GDF1: variants seen among roughly 807,000 people sequenced by gnomAD.
GDF1 encodes growth differentiation factor 1.
A neutral mutation model predicts 7.4 loss-of-function variants in GDF1; 8 were observed. That is an observed-to-expected ratio of 1.09 (90% CI 0.64 to 1.96). The LOEUF (loss-of-function observed/expected upper bound fraction) is 1.96. Among genes scored for constraint, GDF1 ranks in the 30% most tolerant of loss-of-function variants. The pLI, the probability that GDF1 is intolerant of heterozygous loss-of-function variation, is 0.00. For missense variants in GDF1, 574 were observed against 551.5 expected, an observed-to-expected ratio of 1.04 and a Z score of -0.41; for synonymous variants, 311 against 276.7, an observed-to-expected ratio of 1.12 and a Z score of -1.23.
In GDF1 at chr19:18,883,539, AAAAG is replaced by A. The variant is rs371444829; in HGVS notation, c.-733+544_-733+547del. On this transcript the variant is annotated intron_variant, in intron 3 of 7. Transcript: ENST00000247005. Reference sequence around the variant, plus strand: ...CAGAGTGAGACCTTGTCTCAAAAAAAAAAGAGAGAGAGAAATAAAAGGGTGGATA... The same window carrying A: ...CAGAGTGAGACCTTGTCTCAAAAAAAAGAGAGAGAAATAAAAGGGTGGATA... Among the ~76,000 whole-genome samples, 1,286 of 152,242 alleles carry A rather than the reference AAAAG, an allele frequency of 8.4e-3. 11 individuals are homozygous for A. Among genetic ancestry groups the A allele is most frequent in the South Asian group, 0.013 (64 of 4,822 alleles).
At position 18,881,878 on chromosome 19, in the gene GDF1, C is replaced by T. The variant is rs1261619912; in HGVS notation, c.-732-1443G>A. The T allele has an allele frequency of 1.3e-5, 2 of 152,240 alleles. 1 individual carries two copies. The highest frequency in any genetic ancestry group is 4.1e-4 in the South Asian group (2 of 4,822). 9.4% of individuals were successfully genotyped at this position (152,240 alleles called of 1,614,324 possible). A position where few individuals can be genotyped will look rare whatever the true frequency, so the allele number is the denominator to read the frequency against. ...CTCTGTTGCCCAGGCTGGAATGCCT[C>T]GGCTCACAGCCACCTCTGCCTCCCG... On this transcript the variant is annotated intron_variant, in intron 3 of 7. Coordinates refer to ENST00000247005, the MANE Select transcript of GDF1 (RefSeq NM_001492.6).
chr19:18,871,902 C>G (rs938158248), intron 6 of GDF1, among the ~76,000 whole-genome samples: 2 of 152,214 alleles, frequency 1.3e-5, no homozygotes, highest in African/African-American at 2.4e-5. Flanking sequence ...GACACACTGT[C>G]CCCTTTTGGC....
intron 6 of GDF1, among the ~76,000 whole-genome samples, chr19:18,874,560 G>A (rs2145998298): frequency 6.6e-6 from 1 of 152,370 alleles, no homozygotes; most frequent in Non-Finnish European, 1.5e-5. Context: ...ACCAGATCCA[G>A]AGAGAGGTGA....
chr19:18,870,809 C>T lies in GDF1; in HGVS notation c.-312-190G>A, dbSNP rs982630980. 3.3e-5 allele frequency among the ~76,000 whole-genome samples: 5 copies of T among 152,132 alleles called. No individual in the cohort carries two copies. Among genetic ancestry groups the T allele is most frequent in the Non-Finnish European group, 7.4e-5 (5 of 68,002 alleles). ...GCCTTCACCCTGCCCCTCCTTCAAC[C>T]TGCCCCGTAGGCACGTATGTCCCCC... On this transcript the variant is annotated intron_variant, in intron 6 of 7. Transcript: ENST00000247005. This position sits in a 1 kb window ranked among gnomAD's most constrained non-coding sequence, Gnocchi z 5.1.
At chr19:18,875,134 G>C (rs747540115) in intron 6 of GDF1, among the ~76,000 whole-genome samples, 4 of 152,020 alleles carry the variant, frequency 2.6e-5, no homozygotes, top group Non-Finnish European at 4.4e-5. Flanking sequence ...TACTTGGGAG[G>C]CTGAGGCGGC....
chr19:18,892,850 G>A (rs2146071252), intron 2 of GDF1, among the ~76,000 whole-genome samples: 1 of 152,186 alleles, frequency 6.6e-6, no homozygotes, highest in South Asian at 2.1e-4. Context: ...TTTGTCTTGG[G>A]GCTGGCTTAA....
At chr19:18,877,825 G>A (rs1568296520) in intron 6 of GDF1, 1 of 206,730 alleles carries the variant, frequency 4.8e-6, no homozygotes, top group Non-Finnish European at 8.4e-6. Context: ...CCCTCAAAAG[G>A]AGGCTCCTAA....
intron 4 of GDF1, 134 bp from the exon 5 acceptor site, chr19:18,879,522 A>T: frequency 9.1e-7 from 1 of 1,095,424 alleles, no homozygotes; most frequent in African/African-American, 1.6e-5. Context: ...TGTTTCTACT[A>T]CTGCTCTGTC....
intron 2 of GDF1, among the ~76,000 whole-genome samples, chr19:18,884,995 C>T (rs755001389): frequency 6.6e-6 from 1 of 151,530 alleles, no homozygotes; most frequent in African/African-American, 2.4e-5. Context: ...GGATTACAGG[C>T]GTGAGCCACC....
chr19:18,885,513 T>TTTTTG (rs1318718639), intron 2 of GDF1, among the ~76,000 whole-genome samples: 4 of 26,022 alleles, frequency 1.5e-4, no homozygotes, highest in South Asian at 1.5e-3. Context: ...CCCTTCTCGT[T>TTTTTG]TTTTTTTTTT....
chr19:18,885,702 G>A (rs1467849811), intron 2 of GDF1, among the ~76,000 whole-genome samples: 1 of 148,016 alleles, frequency 6.8e-6, no homozygotes, highest in East Asian at 2.0e-4. Context: ...TTTTTTTTCA[G>A]TAGAGACAGG....
At chr19:18,884,009 T>G in intron 3 of GDF1, 78 bp downstream of exon 3, 1 of 1,471,974 alleles carries the variant, frequency 6.8e-7, no homozygotes, top group Non-Finnish European at 9.2e-7. Flanking sequence ...CGGCCTCCTC[T>G]GTGCCCCGCC....
At chr19:18,869,438 G>A in intron 7 of GDF1, 48 bp from the exon 8 acceptor site, 6 of 1,516,752 alleles carry the variant, frequency 4.0e-6, no homozygotes, top group Non-Finnish European at 5.3e-6. Context: ...TCCCCGGCCT[G>A]CCCATGGGGT....
In GDF1 at chr19:18,869,993, G is replaced by C. The variant is rs752344406; in HGVS notation, c.315C>G (p.Ile105Met). 2.5e-6 allele frequency: 4 copies of C among 1,593,550 alleles called. No individual in the cohort carries two copies. In the South Asian group the frequency reaches 3.4e-5, roughly 14 times the overall value. Residue 105 changes from isoleucine (I) to methionine (M), a missense_variant, in exon 7 of 8, where the codon ATC (isoleucine) becomes ATG (methionine). Ile to Met is a conservative substitution (Grantham distance 10, BLOSUM62 1). Transcript: ENST00000247005. ...LGVAGNIVRH[I>M]PDRGAPTRAS... ...GAAAGCCCCACTCACCGCGGTCCGG[G>C]ATGTGGCGCACGATGTTTCCGGCGA... is the stretch of plus-strand genomic sequence containing the variant.
chr19:18,873,973 G>A (rs777087307), intron 6 of GDF1, among the ~76,000 whole-genome samples: 32 of 152,206 alleles, frequency 2.1e-4, no homozygotes, highest in Non-Finnish European at 3.7e-4. Flanking sequence ...GTTTGAGGAG[G>A]ACCCAGGAGG....
Position 18,879,336 on chromosome 19 carries a change from G to A in GDF1, c.-518C>T, listed in dbSNP as rs2056136065. The stretch of plus-strand genomic sequence containing the variant: ...TCAGGCACCGTGCGCAGACTGCAGT[G>A]ACTGGTGGCATACAGGACCTTGAGC... On this transcript the variant is annotated 5_prime_UTR_variant, in exon 5 of 8. Transcript: ENST00000247005. 6.2e-7 allele frequency: 1 copy of A among 1,604,412 alleles called. No homozygotes were observed. The highest frequency in any genetic ancestry group is 8.5e-7 in the Non-Finnish European group (1 of 1,175,758).
chr19:18,879,468 C>T, intron 4 of GDF1, 80 bp from the exon 5 acceptor site: 1 of 1,483,542 alleles, frequency 6.7e-7, no homozygotes, highest in African/African-American at 1.4e-5. Context: ...CGTCCTAGAC[C>T]CACCCTTGCC....
chr19:18,890,620 A>C (rs547655709), intron 2 of GDF1, among the ~76,000 whole-genome samples: 1 of 150,788 alleles, frequency 6.6e-6, no homozygotes, highest in African/African-American at 2.4e-5. Context: ...TCTACCAAAA[A>C]ACACAAAAAA....
chr19:18,875,415 C>T (rs977295501), intron 6 of GDF1, among the ~76,000 whole-genome samples: 12 of 151,550 alleles, frequency 7.9e-5, no homozygotes, highest in African/African-American at 2.9e-4. Flanking sequence ...TGGTGACACA[C>T]GCCTGTAGTC....
Sources: allele counts gnomAD v4.1 joint callset (sites outside exome capture counted in the v4.1 genomes callset), GRCh38; gene constraint gnomAD v4.1.1; non-coding constraint Gnocchi (gnomAD v3.1); transcripts MANE v1.5; gene names NCBI Gene and HGNC (gene_info 2026-07-23, HGNC 2026-07-21).